Variants in PDE1C observed in about 807,000 individuals in gnomAD.
The protein encoded by PDE1C is phosphodiesterase 1C, also known as dual specificity calcium/calmodulin-dependent 3',5'-cyclic nucleotide phosphodiesterase 1C.
A neutral mutation model predicts 93.1 loss-of-function variants in PDE1C; 62 were observed. The ratio of observed to expected loss-of-function variants is 0.67; its 90% confidence interval spans 0.54 to 0.82. PDE1C has a LOEUF of 0.82. PDE1C is among the 40% of genes least tolerant of loss of function. The pLI, the probability that PDE1C is intolerant of heterozygous loss-of-function variation, is 0.00. For missense variants in PDE1C, 742 were observed against 884.6 expected (o/e 0.84, Z 2.04); for synonymous variants, 325 against 310.1 (o/e 1.05, Z -0.50).
At chr7:31,877,632 C>T (rs907261635) in intron 5 of PDE1C, among the ~76,000 whole-genome samples, 6 of 149,642 alleles carry the variant, frequency 4.0e-5, no homozygotes, top group Non-Finnish European at 5.9e-5. Flanking sequence ...TACTGAAGAT[C>T]CTCCTAATGC....
rs115269052 is a variant in PDE1C at position 32,281,225 on chromosome 7, C to T, written c.85+17426G>A. Among the ~76,000 whole-genome samples, 572 of 152,152 alleles carry T rather than the reference C, an allele frequency of 3.8e-3. 7 individuals carry two copies. The highest frequency in any genetic ancestry group is 0.014 in the African/African-American group (562 of 41,518). On this transcript the variant is annotated intron_variant, in intron 1 of 18. Coordinates refer to the PDE1C transcript ENST00000396193. ...AAATATTGATGCATATTTTCAAAAT[C>T]TGTTCAATGTAGAAGTTTTTCTAAA...
chr7:31,853,850 C>T (rs2128808872), intron 7 of PDE1C, among the ~76,000 whole-genome samples: 1 of 150,966 alleles, frequency 6.6e-6, no homozygotes, highest in East Asian at 2.0e-4. Flanking sequence ...AGGGCTGGGA[C>T]CATAGGCACC....
intron 1 of PDE1C, among the ~76,000 whole-genome samples, chr7:32,354,922 C>T (rs1784002997): frequency 1.3e-5 from 2 of 152,214 alleles, no homozygotes; most frequent in Admixed American, 1.3e-4. Context: ...CATTCCAAAT[C>T]TTCTTTGCAA....
chr7:32,253,266 T>G (rs1809522541), intron 1 of PDE1C, among the ~76,000 whole-genome samples: 1 of 152,248 alleles, frequency 6.6e-6, no homozygotes, highest in African/African-American at 2.4e-5. Flanking sequence ...CCAGACTCCC[T>G]GAAGCCTTAT....
chr7:31,848,056 C>G lies in PDE1C; in HGVS notation c.892G>C (p.Glu298Gln), dbSNP rs748719132. 2 of 1,612,926 alleles carry G rather than the reference C, an allele frequency of 1.2e-6. No homozygotes were observed. The highest frequency in any genetic ancestry group is 1.7e-5 in the Admixed American group (1 of 59,932). Residue 298 changes from glutamate (E) to glutamine (Q), a missense_variant, in exon 9 of 18, where the codon GAG (glutamate) becomes CAG (glutamine). Glu to Gln is a conservative substitution (Grantham distance 29). Around this residue, in one of 4 missense-constraint regions of PDE1C, gnomAD observed 205 missense variants for 295.3 expected, o/e 0.69. Transcript: ENST00000396191. ...TAAGCTGCACTTAAATGGTGATTCT[C>G]CAGTACAGATCTGTCATTATACAGA... ...AILYNDRSVLENHHLSAAYRL... is the reference protein window; with the variant it reads ...AILYNDRSVLQNHHLSAAYRL...
At chr7:31,747,035 G>A (rs1042734124), downstream of PDE1C, among the ~76,000 whole-genome samples, 6 of 152,088 alleles carry the variant, frequency 3.9e-5, no homozygotes, top group Non-Finnish European at 8.8e-5. Context: ...AATCAATCCT[G>A]GCCTAAGAGG....
chr7:32,250,208 C>T (rs1052419917), intron 1 of PDE1C, among the ~76,000 whole-genome samples: 3 of 152,194 alleles, frequency 2.0e-5, no homozygotes, highest in Non-Finnish European at 2.9e-5. Context: ...TGAATCCTCA[C>T]ATCCCCCTGC....
intron 1 of PDE1C, among the ~76,000 whole-genome samples, chr7:32,058,771 G>A (rs1402930827): frequency 6.6e-6 from 1 of 152,110 alleles, no homozygotes; most frequent in African/African-American, 2.4e-5. Context: ...TAAACTGGTG[G>A]TCTCTTGACA....
At chr7:31,833,039 T>G (rs945706907) in intron 11 of PDE1C, among the ~76,000 whole-genome samples, 2 of 152,174 alleles carry the variant, frequency 1.3e-5, no homozygotes, top group Non-Finnish European at 2.9e-5. Flanking sequence ...CCATGTGTTG[T>G]GGAAGGGAGC....
At chr7:32,187,196 G>A (rs1018245076) in intron 2 of PDE1C, among the ~76,000 whole-genome samples, 4 of 151,728 alleles carry the variant, frequency 2.6e-5, no homozygotes, top group African/African-American at 7.3e-5. Flanking sequence ...GTCTCACTAT[G>A]TCACCCAGGC....
intron 3 of PDE1C, among the ~76,000 whole-genome samples, chr7:32,149,928 A>C (rs11975235): frequency 0.42 from 63,333 of 152,028 alleles, 13,585 homozygotes; most frequent in East Asian, 0.56. Context: ...AATAAGAGAA[A>C]GTAATGATCC....
At chr7:32,293,971 A>G (rs1447814455) in intron 1 of PDE1C, among the ~76,000 whole-genome samples, 1 of 151,998 alleles carries the variant, frequency 6.6e-6, no homozygotes, top group South Asian at 2.1e-4. Flanking sequence ...CGTCAACCAT[A>G]TGCCCCAGGG....
At chr7:31,885,331 A>C (rs1212277788) in intron 2 of PDE1C, among the ~76,000 whole-genome samples, 1 of 152,238 alleles carries the variant, frequency 6.6e-6, no homozygotes, top group Non-Finnish European at 1.5e-5. Context: ...TAATAGTTCC[A>C]GTATAGAAGT....
the PDE1C span, among the ~76,000 whole-genome samples, chr7:31,667,863 G>A: frequency 3.0e-4 from 46 of 151,992 alleles, no homozygotes; most frequent in Non-Finnish European, 5.9e-4. Context: ...GCCACAGGAG[G>A]ATCTGTGACC....
intron 1 of PDE1C, among the ~76,000 whole-genome samples, chr7:32,209,810 G>C (rs141730187): frequency 5.6e-4 from 85 of 152,286 alleles, no homozygotes; most frequent in Non-Finnish European, 9.6e-4. Context: ...TAGGCCTAAA[G>C]AAGTTAATTG....
the PDE1C span, among the ~76,000 whole-genome samples, chr7:31,631,262 G>A: frequency 1.3e-5 from 2 of 152,098 alleles, no homozygotes; most frequent in Non-Finnish European, 1.5e-5. Context: ...GGGGCAAAAG[G>A]CATGTGCTCA....
chr7:32,106,701 C>A (rs894294092), intron 3 of PDE1C, among the ~76,000 whole-genome samples: 2 of 152,056 alleles, frequency 1.3e-5, no homozygotes, highest in Non-Finnish European at 2.9e-5. Context: ...ATAAGGCAAC[C>A]CAATTCCTCA....
intron 3 of PDE1C, among the ~76,000 whole-genome samples, chr7:32,097,555 C>A (rs1325859189): frequency 6.6e-6 from 1 of 152,180 alleles, no homozygotes; most frequent in East Asian, 1.9e-4. Flanking sequence ...AACTTCATTG[C>A]CGATACTTGG....
chr7:32,168,007 C>A (rs1286255924), intron 3 of PDE1C, among the ~76,000 whole-genome samples: 5 of 152,102 alleles, frequency 3.3e-5, no homozygotes, highest in African/African-American at 9.7e-5. Flanking sequence ...GAATATTTAC[C>A]ATTTAGCACT....
Sources: allele counts gnomAD v4.1 joint callset (sites outside exome capture counted in the v4.1 genomes callset), GRCh38; gene constraint gnomAD v4.1.1; regional missense constraint gnomAD v4.1.1; transcripts MANE v1.5; gene names NCBI Gene and HGNC (gene_info 2026-07-23, HGNC 2026-07-21).